Variants in PTPRT observed in about 807,000 individuals in gnomAD.
PTPRT encodes the protein receptor-type tyrosine-protein phosphatase T.
Under a neutral mutation model 176.8 loss-of-function variants are expected in PTPRT, and 56 were observed. The ratio of observed to expected loss-of-function variants is 0.32; its 90% CI spans 0.26 to 0.40. The LOEUF (loss-of-function observed/expected upper bound fraction) is 0.40, where lower values mean the gene tolerates loss of function less well. Ranked by LOEUF, PTPRT falls within the 10% of genes least tolerant of loss-of-function variation. The pLI is 1.00. For synonymous variants in PTPRT, 783 were observed against 739.0 expected, an observed-to-expected ratio of 1.06 and a Z score of -0.96; for missense variants, 1,540 against 1,908.2, an observed-to-expected ratio of 0.81 and a Z score of 3.60.
chr20:42,832,677 G>C (rs208230), intron 2 of PTPRT, among the ~76,000 whole-genome samples: 4 of 145,042 alleles, frequency 2.8e-5, no homozygotes, highest in African/African-American at 1.0e-4. Flanking sequence ...ATGAAGTTGA[G>C]GATATTGTCC....
intron 17 of PTPRT, among the ~76,000 whole-genome samples, chr20:42,144,538 G>A (rs1988776447): frequency 6.6e-6 from 1 of 152,046 alleles, no homozygotes; most frequent in Non-Finnish European, 1.5e-5. Context: ...CAATTTACAA[G>A]AGTTATGAGT....
At chr20:42,111,880 A>T (rs1421352186) in intron 22 of PTPRT, among the ~76,000 whole-genome samples, 2 of 152,156 alleles carry the variant, frequency 1.3e-5, no homozygotes, top group African/African-American at 4.8e-5. Flanking sequence ...GAAGGAATCC[A>T]AGGCAGGGGG....
chr20:43,066,296 G>A (rs545523646), intron 1 of PTPRT, among the ~76,000 whole-genome samples: 50 of 152,266 alleles, frequency 3.3e-4, no homozygotes, highest in Admixed American at 2.4e-3. Flanking sequence ...ATTTGTCCCC[G>A]GAGGCCTTTC....
At chr20:42,745,426 G>A (rs1051789423) in intron 6 of PTPRT, among the ~76,000 whole-genome samples, 4 of 152,140 alleles carry the variant, frequency 2.6e-5, no homozygotes, top group South Asian at 4.1e-4. Context: ...GCTGTGTATC[G>A]TAGGGTGTTT....
chr20:42,888,917 A>C (rs2079146963), intron 1 of PTPRT, among the ~76,000 whole-genome samples: 1 of 152,240 alleles, frequency 6.6e-6, no homozygotes. Flanking sequence ...GCTAAAAAAA[A>C]CAAGTTATTA....
Position 42,217,147 on chromosome 20 carries a change from G to A in PTPRT, c.2343-17759C>T, listed in dbSNP as rs547441378. Among the ~76,000 whole-genome samples, 278 of 152,212 alleles carry A rather than the reference G, an allele frequency of 1.8e-3. 2 individuals carry two copies. The highest frequency in any genetic ancestry group is 6.2e-3 in the African/African-American group (259 of 41,544). On this transcript the variant is annotated intron_variant, in intron 15 of 30. Transcript: ENST00000373187. ...CCAGCATTTTAGGAGGCTGAGGCAG[G>A]TGGATCACCTGAGGACAGGAGTTCG...
intron 15 of PTPRT, among the ~76,000 whole-genome samples, chr20:42,203,848 G>C (rs1432981103): frequency 1.3e-5 from 2 of 152,208 alleles, no homozygotes; most frequent in African/African-American, 4.8e-5. Context: ...GCAGATCAGG[G>C]AGGGTTTTGG....
At chr20:42,966,685 A>G in intron 1 of PTPRT, among the ~76,000 whole-genome samples, 1 of 152,220 alleles carries the variant, frequency 6.6e-6, no homozygotes, top group East Asian at 1.9e-4. Flanking sequence ...CTTCCCCCGC[A>G]ACAGAGTTCT....
intron 1 of PTPRT, among the ~76,000 whole-genome samples, chr20:43,136,066 T>C (rs1044632899): frequency 7.2e-5 from 11 of 152,268 alleles, no homozygotes; most frequent in African/African-American, 2.7e-4. Context: ...ACTGGAGTTT[T>C]GCTCTTCTGC....
intron 9 of PTPRT, 24 bp downstream of exon 9, chr20:42,448,196 A>G: frequency 1.3e-6 from 2 of 1,542,798 alleles, no homozygotes; most frequent in Non-Finnish European, 1.8e-6. Context: ...AAGCCAATGG[A>G]TGCAGCACAA....
In PTPRT at chr20:42,383,419, C is replaced by CAA. The variant is rs5841460; in HGVS notation, c.1561-31136_1561-31135dup. 2.2e-3 allele frequency among the ~76,000 whole-genome samples: 327 copies of CAA among 147,880 alleles called. 1 individual carries two copies. Among genetic ancestry groups the CAA allele is most frequent in the African/African-American group, 7.7e-3 (310 of 40,292 alleles). On this transcript the variant is annotated intron_variant, in intron 9 of 30. Transcript: ENST00000373187. Reference sequence around the variant, plus strand: ...AAGGACACTGCTAAGCAGGGATAGACAAAAAAAAAAAACAACTATTTGAAT... The same window carrying CAA: ...AAGGACACTGCTAAGCAGGGATAGACAAAAAAAAAAAAAACAACTATTTGAAT...
intron 7 of PTPRT, among the ~76,000 whole-genome samples, chr20:42,533,327 C>T (rs548232802): frequency 5.3e-5 from 8 of 152,300 alleles, no homozygotes; most frequent in Middle Eastern, 6.8e-3. Flanking sequence ...GCGGGTGTGC[C>T]GCCGGGTCTC....
intron 9 of PTPRT, among the ~76,000 whole-genome samples, chr20:42,439,606 T>C (rs1038200416): frequency 6.6e-5 from 10 of 152,212 alleles, no homozygotes; most frequent in Non-Finnish European, 1.2e-4. Context: ...GAAGATAGGT[T>C]AAGCCAGGAT....
chr20:42,816,681 G>A (rs1000262569), intron 2 of PTPRT, among the ~76,000 whole-genome samples: 27 of 152,268 alleles, frequency 1.8e-4, no homozygotes, highest in African/African-American at 6.3e-4. Flanking sequence ...TGGTAAGAAG[G>A]TGCCTGCTTC....
chr20:42,808,399 T>C (rs2077645098), intron 2 of PTPRT, among the ~76,000 whole-genome samples: 8 of 152,116 alleles, frequency 5.3e-5, no homozygotes, highest in Admixed American at 4.6e-4. Context: ...CACAGGAATA[T>C]TCCAGGTAGA....
chr20:42,844,839 CA>C (rs2078341247), intron 2 of PTPRT, among the ~76,000 whole-genome samples: 2 of 152,204 alleles, frequency 1.3e-5, no homozygotes, highest in African/African-American at 4.8e-5. Flanking sequence ...GGGGATTTGG[CA>C]AGCTGCCTAG....
intron 1 of PTPRT, among the ~76,000 whole-genome samples, chr20:43,143,791 T>G (rs188000882): frequency 2.6e-5 from 4 of 152,276 alleles, no homozygotes; most frequent in Admixed American, 2.6e-4. Context: ...GGACCTTGCT[T>G]GATGTGGGCA....
chr20:42,673,886 C>T (rs2075453821), intron 7 of PTPRT, among the ~76,000 whole-genome samples: 1 of 152,226 alleles, frequency 6.6e-6, no homozygotes, highest in Non-Finnish European at 1.5e-5. Flanking sequence ...CATGCTGACG[C>T]TGTTTTTCCT....
At chr20:42,326,079 T>G (rs780190427) in intron 11 of PTPRT, among the ~76,000 whole-genome samples, 2 of 152,192 alleles carry the variant, frequency 1.3e-5, no homozygotes, top group East Asian at 1.9e-4. Context: ...TCCCTCTTAA[T>G]TTTTACCTAC....
Sources: allele counts gnomAD v4.1 joint callset (sites outside exome capture counted in the v4.1 genomes callset), GRCh38; gene constraint gnomAD v4.1.1; transcripts MANE v1.5; gene names NCBI Gene and HGNC (gene_info 2026-07-23, HGNC 2026-07-21).